C13orf42: variants seen among roughly 807,000 people sequenced by gnomAD.
The protein encoded by C13orf42 is uncharacterized protein C13orf42.
intron 1 of C13orf42, among the ~76,000 whole-genome samples, chr13:51,153,630 CTTTTTTTTTTTTT>C (rs1206289963): frequency 8.6e-5 from 7 of 81,204 alleles, no homozygotes; most frequent in African/African-American, 2.8e-4. Flanking sequence ...TGTTTTTTTT[CTTTTTTTTTTTTT>C]TTTTTTTTTT....
intron 1 of C13orf42, among the ~76,000 whole-genome samples, chr13:51,105,259 G>C (rs893620167): frequency 6.6e-6 from 1 of 152,200 alleles, no homozygotes; most frequent in Non-Finnish European, 1.5e-5. Context: ...ACCACACCCT[G>C]TGTGGTTACA....
intron 1 of C13orf42, among the ~76,000 whole-genome samples, chr13:51,123,721 G>T (rs1281252260): frequency 2.6e-5 from 4 of 152,252 alleles, no homozygotes; most frequent in African/African-American, 9.6e-5. Context: ...TTTATTGAGC[G>T]CATGAATGAA....
rs1953428728 is a variant in C13orf42 at position 51,111,177 on chromosome 13, G to A, written c.33C>T (p.Ser11=). The A allele has an allele frequency of 2.5e-6, 1 of 398,646 alleles. No homozygotes were observed. The highest frequency in any genetic ancestry group is 1.3e-4 in the South Asian group (1 of 7,858). 24.7% of individuals were successfully genotyped at this position (398,646 alleles called of 1,614,324 possible). A position where few individuals can be genotyped will look rare whatever the true frequency, so the allele number is the denominator to read the frequency against. ...CGGCCGCCGTCTTTCTCTGTGGGCT[G>A]GAGTTAAAGATGGAGTGGATCTTTC... is the stretch of plus-strand genomic sequence containing the variant. The part of the protein sequence containing the change: MFRKIHSIFN[S]SPQRKTAAES... Residue 11 remains serine (S), a synonymous_variant, in exon 1 of 4, where the codon TCC becomes TCT. Transcript: ENST00000563710.
chr13:51,118,315 CCT>C (rs747908169), intron 1 of C13orf42, among the ~76,000 whole-genome samples: 1 of 152,214 alleles, frequency 6.6e-6, no homozygotes, highest in East Asian at 1.9e-4. Flanking sequence ...CTATTTATCC[CCT>C]GACAGGGAAC....
intron 1 of C13orf42, among the ~76,000 whole-genome samples, chr13:51,110,594 A>G (rs1428878436): frequency 1.3e-5 from 2 of 152,224 alleles, no homozygotes. Flanking sequence ...TTAATAATAA[A>G]TAAATGAGTA....
exon 1 of C13orf42, chr13:51,172,372 CT>C (rs1262290148): frequency 6.6e-6 from 1 of 151,968 alleles, no homozygotes; most frequent in Non-Finnish European, 1.5e-5. Context: ...CGGAAGCCCC[CT>C]AGACAGTCAC....
At chr13:51,149,395 A>C (rs1480623342) in intron 1 of C13orf42, among the ~76,000 whole-genome samples, 1 of 152,168 alleles carries the variant, frequency 6.6e-6, no homozygotes, top group Non-Finnish European at 1.5e-5. Context: ...ATAAGTGAAA[A>C]TGTTTGCAAA....
chr13:51,109,895 C>T (rs1398577383), intron 1 of C13orf42, among the ~76,000 whole-genome samples: 1 of 152,172 alleles, frequency 6.6e-6, no homozygotes, highest in Non-Finnish European at 1.5e-5. Context: ...GAGTTCCTCC[C>T]CACCTACTGT....
chr13:51,134,348 G>C (rs916296700), intron 1 of C13orf42, among the ~76,000 whole-genome samples: 3 of 152,224 alleles, frequency 2.0e-5, no homozygotes, highest in Admixed American at 1.3e-4. Flanking sequence ...GGTATGTAAT[G>C]AACTTGGCTT....
At chr13:51,145,020 G>T (rs1027285458) in intron 1 of C13orf42, among the ~76,000 whole-genome samples, 6 of 152,168 alleles carry the variant, frequency 3.9e-5, no homozygotes, top group Admixed American at 2.0e-4. Context: ...TTGTACACCT[G>T]TTGCTAGATT....
intron 1 of C13orf42, among the ~76,000 whole-genome samples, chr13:51,162,575 G>A (rs1010213533): frequency 2.0e-5 from 3 of 152,122 alleles, no homozygotes; most frequent in South Asian, 2.1e-4. Flanking sequence ...TAGTATCCCC[G>A]GTAATTTTTG....
intron 1 of C13orf42, among the ~76,000 whole-genome samples, chr13:51,171,062 G>A (rs576816990): frequency 1.3e-4 from 20 of 151,902 alleles, no homozygotes; most frequent in African/African-American, 4.6e-4. Context: ...TTTTCTGGAG[G>A]GCAAGAACCC....
At chr13:51,094,388 CT>C (rs1321463451) in intron 1 of C13orf42, among the ~76,000 whole-genome samples, 1 of 152,164 alleles carries the variant, frequency 6.6e-6, no homozygotes, top group African/African-American at 2.4e-5. Context: ...GCAACTCAAA[CT>C]AAAACGGTGT....
chr13:51,095,547 T>A (rs903337873), intron 1 of C13orf42, among the ~76,000 whole-genome samples: 3 of 152,052 alleles, frequency 2.0e-5, no homozygotes, highest in African/African-American at 4.8e-5. Flanking sequence ...GTTTTTTTTT[T>A]AACTATATCT....
At chr13:51,128,770 T>C (rs1461867527) in intron 1 of C13orf42, among the ~76,000 whole-genome samples, 1 of 152,184 alleles carries the variant, frequency 6.6e-6, no homozygotes, top group Non-Finnish European at 1.5e-5. Context: ...GAAGAAATAT[T>C]AAAGGGAAAT....
chr13:51,102,185 C>G (rs934182941), intron 1 of C13orf42, among the ~76,000 whole-genome samples: 1 of 152,154 alleles, frequency 6.6e-6, no homozygotes, highest in Non-Finnish European at 1.5e-5. Context: ...CCCCAGCCCC[C>G]GCCAGTAACT....
At chr13:51,108,864 C>A (rs1275620237) in intron 1 of C13orf42, among the ~76,000 whole-genome samples, 1 of 152,220 alleles carries the variant, frequency 6.6e-6, no homozygotes, top group Non-Finnish European at 1.5e-5. Flanking sequence ...TATATCAGGC[C>A]CATGTGCCTC....
chr13:51,155,158 G>A (rs576550308), intron 1 of C13orf42, among the ~76,000 whole-genome samples: 2 of 152,228 alleles, frequency 1.3e-5, no homozygotes, highest in East Asian at 3.9e-4. Flanking sequence ...AGCCTATTAT[G>A]TTGTTATTAA....
chr13:51,137,004 A>C (rs2138026710), intron 1 of C13orf42, among the ~76,000 whole-genome samples: 1 of 152,194 alleles, frequency 6.6e-6, no homozygotes, highest in Middle Eastern at 3.4e-3. Flanking sequence ...TGACAGCTGG[A>C]GAGGAGAGGA....
Sources: gnomAD v4.1 joint callset for allele counts (sites outside exome capture counted in the v4.1 genomes callset) on GRCh38, gnomAD v4.1.1 for gene constraint, MANE v1.5 for transcripts, NCBI Gene and HGNC (gene_info 2026-07-23, HGNC 2026-07-21) for gene names.